PTPRD: variants seen among roughly 807,000 people sequenced by gnomAD.
PTPRD encodes receptor-type tyrosine-protein phosphatase delta.
PTPRD carries 34 observed loss-of-function variants against 214.5 expected under a neutral mutation model. The ratio of observed to expected loss-of-function variants is 0.16; its 90% confidence interval spans 0.12 to 0.21. The LOEUF (loss-of-function observed/expected upper bound fraction) is 0.21. PTPRD is among the 10% of genes least tolerant of loss of function. PTPRD has a pLI of 1.00. For synonymous variants in PTPRD, 1,128 were observed against 845.7 expected (o/e 1.33, Z -5.79); for missense variants, 2,545 against 2,398.7 (o/e 1.06, Z -1.27).
At chr9:9,122,524 T>A (rs2099818570) in intron 10 of PTPRD, among the ~76,000 whole-genome samples, 1 of 152,054 alleles carries the variant, frequency 6.6e-6, no homozygotes, top group Non-Finnish European at 1.5e-5. Flanking sequence ...CCATCTTGGG[T>A]TTTATTTTGG....
intron 9 of PTPRD, among the ~76,000 whole-genome samples, chr9:9,365,925 G>A (rs1024050784): frequency 1.3e-5 from 2 of 151,402 alleles, no homozygotes; most frequent in Non-Finnish European, 3.0e-5. Flanking sequence ...ACTGAACATA[G>A]TTACAAGAAA....
At chr9:9,185,794 G>A (rs888594761) in intron 9 of PTPRD, among the ~76,000 whole-genome samples, 3 of 151,824 alleles carry the variant, frequency 2.0e-5, no homozygotes, top group African/African-American at 7.3e-5. Flanking sequence ...TTTCTCTAGT[G>A]TCAGGCAAAC....
At chr9:9,228,134 A>C (rs1305525145) in intron 9 of PTPRD, among the ~76,000 whole-genome samples, 1 of 152,072 alleles carries the variant, frequency 6.6e-6, no homozygotes, top group African/African-American at 2.4e-5. Flanking sequence ...TTACATATAT[A>C]TGCCTGTATT....
intron 3 of PTPRD, among the ~76,000 whole-genome samples, chr9:10,141,514 G>A (rs1592208518): frequency 6.6e-6 from 1 of 151,988 alleles, no homozygotes; most frequent in Non-Finnish European, 1.5e-5. Context: ...GCTTCAAAGA[G>A]AATAAAATAC....
intron 5 of PTPRD, among the ~76,000 whole-genome samples, chr9:9,879,086 A>G (rs1435048125): frequency 2.0e-5 from 3 of 152,210 alleles, no homozygotes; most frequent in Admixed American, 6.5e-5. Context: ...TATGTTGACT[A>G]TCAAGTCTTC....
intron 9 of PTPRD, among the ~76,000 whole-genome samples, chr9:9,265,072 T>C (rs1938602063): frequency 6.6e-6 from 1 of 151,694 alleles, no homozygotes; most frequent in Non-Finnish European, 1.5e-5. Context: ...ATGGATGCTA[T>C]TAGTAATATG....
At chr9:8,956,293 G>C (rs1400281161) in intron 11 of PTPRD, among the ~76,000 whole-genome samples, 2 of 151,736 alleles carry the variant, frequency 1.3e-5, no homozygotes, top group Non-Finnish European at 2.9e-5. Flanking sequence ...AAAGCACAAA[G>C]TGATTTTTCT....
At chr9:10,155,693 T>C (rs776673039) in intron 3 of PTPRD, among the ~76,000 whole-genome samples, 19 of 152,144 alleles carry the variant, frequency 1.2e-4, no homozygotes, top group Non-Finnish European at 2.6e-4. Flanking sequence ...TCTCCATCTA[T>C]TGAGATAAGT....
chr9:8,395,814 T>A (rs1473942950), intron 36 of PTPRD, among the ~76,000 whole-genome samples: 2 of 151,976 alleles, frequency 1.3e-5, no homozygotes, highest in African/African-American at 4.8e-5. Flanking sequence ...GTTTTGAGAA[T>A]GGACACAGGA....
chr9:9,810,340 T>C (rs569759140), intron 5 of PTPRD, among the ~76,000 whole-genome samples: 15 of 152,160 alleles, frequency 9.9e-5, no homozygotes, highest in African/African-American at 3.1e-4. Flanking sequence ...CATCTAGCAC[T>C]CTGATGGCAA....
chr9:8,518,639 G>C (rs1265046130), intron 20 of PTPRD, among the ~76,000 whole-genome samples: 1 of 152,198 alleles, frequency 6.6e-6, no homozygotes, highest in African/African-American at 2.4e-5. Flanking sequence ...AGAAGGGCTT[G>C]ATAGCATATT....
chr9:10,520,695 C>T (rs1589975987), intron 2 of PTPRD, among the ~76,000 whole-genome samples: 1 of 152,120 alleles, frequency 6.6e-6, no homozygotes, highest in Non-Finnish European at 1.5e-5. Flanking sequence ...GCTAATGCAG[C>T]TGGTGACTTT....
chr9:8,509,335 G>C (rs2097621033), intron 21 of PTPRD, among the ~76,000 whole-genome samples: 1 of 152,114 alleles, frequency 6.6e-6, no homozygotes, highest in Non-Finnish European at 1.5e-5. Context: ...ATTATGATAG[G>C]ACCTAACCTA....
chr9:10,361,646 A>G (rs997520173), intron 2 of PTPRD, among the ~76,000 whole-genome samples: 1 of 152,164 alleles, frequency 6.6e-6, no homozygotes, highest in Non-Finnish European at 1.5e-5. Context: ...AAAAGAAACA[A>G]AATTCTATGT....
At chr9:8,542,941 T>C (rs2078865443) in intron 14 of PTPRD, among the ~76,000 whole-genome samples, 1 of 152,216 alleles carries the variant, frequency 6.6e-6, no homozygotes, top group South Asian at 2.1e-4. Context: ...CAGTTGAGCA[T>C]GCAAGGGTAG....
chr9:10,308,646 T>G (rs1397627398), intron 3 of PTPRD, among the ~76,000 whole-genome samples: 4 of 152,120 alleles, frequency 2.6e-5, no homozygotes, highest in Admixed American at 2.6e-4. Context: ...TGCATTATTT[T>G]GGGAGGTATA....
intron 3 of PTPRD, among the ~76,000 whole-genome samples, chr9:10,190,386 GAAAAAAAAAAAAAAAA>G (rs66511711): frequency 0.045 from 2,278 of 50,168 alleles, 35 homozygotes; most frequent in Non-Finnish European, 0.066. Flanking sequence ...TCTATCTCCA[GAAAAAAAAAAAAAAAA>G]AAAAAAAAAA....
intron 5 of PTPRD, among the ~76,000 whole-genome samples, chr9:9,888,207 T>C (rs75925166): frequency 0.011 from 1,692 of 152,262 alleles, 25 homozygotes; most frequent in African/African-American, 0.038. Flanking sequence ...TGAGATGTTA[T>C]GGAGGAATCT....
chr9:9,007,884 T>A (rs1274176891), intron 11 of PTPRD, among the ~76,000 whole-genome samples: 1 of 110,832 alleles, frequency 9.0e-6, no homozygotes, highest in Non-Finnish European at 2.2e-5. Flanking sequence ...TTTAGAAAAG[T>A]GTTTTTTTTT....
Sources: allele counts gnomAD v4.1 joint callset (sites outside exome capture counted in the v4.1 genomes callset), GRCh38; gene constraint gnomAD v4.1.1; transcripts MANE v1.5; gene names NCBI Gene and HGNC (gene_info 2026-07-23, HGNC 2026-07-21).